VWCE: variants seen among roughly 807,000 people sequenced by gnomAD.
VWCE encodes von Willebrand factor C and EGF domains.
A neutral mutation model predicts 102.9 loss-of-function variants in VWCE; 68 were observed. The ratio of observed to expected loss-of-function variants is 0.66; its 90% confidence interval spans 0.54 to 0.81. The LOEUF (loss-of-function observed/expected upper bound fraction) is 0.81. Ranked by LOEUF, VWCE falls within the 30% of genes least tolerant of loss-of-function variation. The probability of loss-of-function intolerance (pLI) is 0.00; values close to 1 mark genes in which losing one functional copy is unlikely to be tolerated. For synonymous variants in VWCE, 497 were observed against 515.4 expected (o/e 0.96, Z 0.48); for missense variants, 1,137 against 1,263.6 (o/e 0.90, Z 1.52).
Position 61,276,528 on chromosome 11 carries a change from T to TAGTG in VWCE, c.1495+61_1495+64dup, listed in dbSNP as rs145915143. 7.9e-4 allele frequency: 947 copies of TAGTG among 1,194,820 alleles called. 13 individuals carry two copies. The East Asian group carries it at 0.026, about 33-fold the overall frequency. 74.0% of individuals were successfully genotyped at this position (1,194,820 alleles called of 1,614,324 possible). A position where few individuals can be genotyped will look rare whatever the true frequency, so the allele number is the denominator to read the frequency against. ...AGGCTCAACACCAGCCTGGGCAACA[T>TAGTG]AGTGAGGTCTACAAAAAATCTAAAA... On this transcript the variant is annotated intron_variant, in intron 11 of 19. Coordinates refer to ENST00000335613, the MANE Select transcript of VWCE (RefSeq NM_152718.2).
chr11:61,282,635 G>A (rs1855178128), intron 6 of VWCE, 154 bp downstream of exon 6: 2 of 669,380 alleles, frequency 3.0e-6, no homozygotes, highest in Non-Finnish European at 5.3e-6. Flanking sequence ...ACCAACCCCA[G>A]GGACAGGCAG....
rs1231170476 is a variant in VWCE, at chr11:61,266,547, CA to C, written c.1965+914del. ...TGGGTGACAGAGCAACACCCTGTCT[CA>C]AAAAAAAAACAATTTTTTTTTCATT... On this transcript the variant is annotated intron_variant, in intron 16 of 19. Coordinates refer to ENST00000335613, the MANE Select transcript of VWCE (RefSeq NM_152718.2). 9.3e-5 allele frequency among the ~76,000 whole-genome samples: 13 copies of C among 140,296 alleles called. 1 individual carries two copies. Among genetic ancestry groups the C allele is most frequent in the African/African-American group, 2.6e-4 (10 of 38,044 alleles). The allele number at this position is 140,296 out of a possible 152,430, so 92.0% of individuals were successfully genotyped here.
chr11:61,268,982 C>A lies in VWCE; in HGVS notation c.1822G>T (p.Val608Leu), dbSNP rs746400652. 6 of 1,614,130 alleles carry A rather than the reference C, an allele frequency of 3.7e-6. No individual in the cohort carries two copies. The highest frequency in any genetic ancestry group is 5.1e-6 in the Non-Finnish European group (6 of 1,180,042). ...GSVSCKRTDC[V>L]DSCPHPIRIP... Reference sequence around the variant, plus strand: ...CGGATCGGGTGAGGGCAGGAGTCCACACAGTCTGTCCTCTTGCAGCTCACC... The same window carrying A: ...CGGATCGGGTGAGGGCAGGAGTCCAAACAGTCTGTCCTCTTGCAGCTCACC... Residue 608 changes from valine to leucine, a missense_variant, in exon 15 of 20, where the codon GTG (valine) becomes TTG (leucine). By Grantham distance (32) the Val-to-Leu change is conservative. Around this residue, in one of 5 missense-constraint regions of VWCE, gnomAD observed 212 missense variants for 235.1 expected, o/e 0.90. Coordinates refer to ENST00000335613, the MANE Select transcript of VWCE (RefSeq NM_152718.2).
intron 1 of VWCE, among the ~76,000 whole-genome samples, chr11:61,293,690 T>C (rs901233041): frequency 1.3e-5 from 2 of 152,164 alleles, no homozygotes; most frequent in African/African-American, 4.8e-5. Context: ...GCAGGCACTT[T>C]GTAAAGCACC....
chr11:61,280,525 T>A, intron 9 of VWCE, 99 bp downstream of exon 9: 1 of 1,228,536 alleles, frequency 8.1e-7, no homozygotes, highest in Non-Finnish European at 1.1e-6. Flanking sequence ...TCCAGGAGAT[T>A]CTAATGTATG....
At chr11:61,261,213 C>A (rs1270319358) in intron 19 of VWCE, among the ~76,000 whole-genome samples, 7 of 148,548 alleles carry the variant, frequency 4.7e-5, no homozygotes, top group African/African-American at 1.8e-4. Context: ...GAGAGAGACT[C>A]CATCTCAAAA....
intron 14 of VWCE, 104 bp downstream of exon 14, chr11:61,271,571 G>A (rs762107582): frequency 2.2e-5 from 25 of 1,121,768 alleles, no homozygotes; most frequent in East Asian, 7.7e-5. Context: ...GGGAGACTGC[G>A]GCCAGCCTGA....
chr11:61,262,696 C>G lies in VWCE; in HGVS notation c.2230+1791G>C, dbSNP rs187267813. Reference sequence around the variant, plus strand: ...CATCCACAGATCTGAAGAGCTGCCCCCGAAAACAGAACATACTCTTCAAAA... The same window carrying G: ...CATCCACAGATCTGAAGAGCTGCCCGCGAAAACAGAACATACTCTTCAAAA... On this transcript the variant is annotated intron_variant, in intron 19 of 19. Transcript: ENST00000335613. 2.1e-3 allele frequency among the ~76,000 whole-genome samples: 321 copies of G among 152,272 alleles called. 3 individuals carry two copies. Among genetic ancestry groups the G allele is most frequent in the Non-Finnish European group, 3.5e-3 (241 of 68,028 alleles).
At chr11:61,267,946 C>T (rs77237141) in intron 15 of VWCE, among the ~76,000 whole-genome samples, 64 of 152,190 alleles carry the variant, frequency 4.2e-4, no homozygotes, top group African/African-American at 1.5e-3. Flanking sequence ...CCAGAACATT[C>T]CCCAACACTA....
chr11:61,273,224 G>A lies in VWCE; in HGVS notation c.1674C>T (p.Thr558=), dbSNP rs1178559401. The change falls in exon 13 of 20, where the codon ACC becomes ACT. Residue 558 remains threonine, a synonymous_variant. Transcript: ENST00000335613. ...WRLGPGQCCF[T]CQEPTPSTGC... ...CTGTCGAGGGTGTGGGCTCCTGGCA[G>A]GTGAAGCAACACTGCCCAGGGCCCA... The A allele has an allele frequency of 6.2e-7, 1 of 1,613,766 alleles. No individual in the cohort carries two copies. The highest frequency in any genetic ancestry group is 1.3e-5 in the African/African-American group (1 of 74,888).
chr11:61,262,547 A>G (rs1297289729), intron 19 of VWCE, among the ~76,000 whole-genome samples: 5 of 152,206 alleles, frequency 3.3e-5, no homozygotes, highest in Admixed American at 3.3e-4. Context: ...TCAGGGGACT[A>G]ATATCCACTA....
chr11:61,267,982 C>G (rs1854562323), intron 15 of VWCE, among the ~76,000 whole-genome samples: 1 of 151,954 alleles, frequency 6.6e-6, no homozygotes, highest in Non-Finnish European at 1.5e-5. Flanking sequence ...CCTGACAGCC[C>G]CAGAAGCCTG....
intron 13 of VWCE, among the ~76,000 whole-genome samples, 178 bp from the exon 14 acceptor site, chr11:61,271,938 CACAT>C (rs906717213): frequency 6.6e-6 from 1 of 152,098 alleles, no homozygotes; most frequent in East Asian, 1.9e-4. Flanking sequence ...CACACAGATA[CACAT>C]ACACTCATAC....
chr11:61,271,803 G>T (rs572323209), intron 13 of VWCE, 43 bp from the exon 14 acceptor site: 2 of 1,572,892 alleles, frequency 1.3e-6, no homozygotes, highest in South Asian at 2.3e-5. Context: ...ACAAGACCTA[G>T]ACTACAACAG....
At chr11:61,264,400 A>G in intron 19 of VWCE, 87 bp downstream of exon 19, 1 of 1,334,294 alleles carries the variant, frequency 7.5e-7, no homozygotes, top group Non-Finnish European at 1.0e-6. Flanking sequence ...TCTCTTATCC[A>G]GCCCTTTACA....
chr11:61,262,533 ACAGT>A (rs1461755841), intron 19 of VWCE, among the ~76,000 whole-genome samples: 1 of 152,186 alleles, frequency 6.6e-6, no homozygotes, highest in Admixed American at 6.5e-5. Flanking sequence ...CAGTCTCTAG[ACAGT>A]CAGGGGACTA....
Position 61,273,065 on chromosome 11 carries a change from TACAC to T in VWCE, c.1699+130_1699+133del, listed in dbSNP as rs1352224192. 7.0e-5 allele frequency: 60 copies of T among 858,462 alleles called. 1 individual carries two copies. The Admixed American group carries it at 9.3e-4, about 13-fold the overall frequency. The allele number at this position is 858,462 out of a possible 1,614,324, so 53.2% of individuals were successfully genotyped here. A position where few individuals can be genotyped will look rare whatever the true frequency, so the allele number is the denominator to read the frequency against. On this transcript the variant is annotated intron_variant, in intron 13 of 19. Transcript: ENST00000335613. ...CACACTACACAAAAACTCACACTCATACACACGCACACAAAGACACATGTACACA... is the reference window on the plus strand; with the variant it reads ...CACACTACACAAAAACTCACACTCATACGCACACAAAGACACATGTACACA...
chr11:61,286,638 C>A (rs1177203728), intron 4 of VWCE, among the ~76,000 whole-genome samples: 1 of 151,950 alleles, frequency 6.6e-6, no homozygotes, highest in Non-Finnish European at 1.5e-5. Flanking sequence ...CCCGTCTCTA[C>A]TAAAAATACA....
chr11:61,268,640 C>T (rs1204619915), intron 15 of VWCE, among the ~76,000 whole-genome samples: 2 of 152,190 alleles, frequency 1.3e-5, no homozygotes, highest in Non-Finnish European at 2.9e-5. Context: ...GCAAAAATGA[C>T]TGTTAAAACT....
Sources: allele counts gnomAD v4.1 joint callset (sites outside exome capture counted in the v4.1 genomes callset), GRCh38; gene constraint gnomAD v4.1.1; regional missense constraint gnomAD v4.1.1; transcripts MANE v1.5; gene names NCBI Gene and HGNC (gene_info 2026-07-23, HGNC 2026-07-21).